MYRIP: variants seen among roughly 807,000 people sequenced by gnomAD.
The protein encoded by MYRIP is rab effector MyRIP.
A neutral mutation model predicts 98.0 loss-of-function variants in MYRIP; 49 were observed. The ratio of observed to expected loss-of-function variants is 0.50; its 90% CI spans 0.40 to 0.63. The LOEUF (loss-of-function observed/expected upper bound fraction) is 0.63, where lower values mean the gene tolerates loss of function less well. Among genes scored for constraint, MYRIP ranks in the 30% least tolerant of loss-of-function variants. The probability of loss-of-function intolerance (pLI) is 0.00; values close to 1 mark genes in which losing one functional copy is unlikely to be tolerated. For missense variants in MYRIP, 1,004 were observed against 1,058.2 expected (o/e 0.95, Z 0.71); for synonymous variants, 404 against 409.5 (o/e 0.99, Z 0.16).
intron 3 of MYRIP, among the ~76,000 whole-genome samples, chr3:40,142,115 C>G (rs777615429): frequency 7.1e-6 from 1 of 140,366 alleles, no homozygotes; most frequent in Non-Finnish European, 1.5e-5. Flanking sequence ...TGCAATGGCT[C>G]GATCTCTGCT....
chr3:39,938,477 A>G (rs1944706569), intron 2 of MYRIP, among the ~76,000 whole-genome samples: 1 of 152,100 alleles, frequency 6.6e-6, no homozygotes, highest in Non-Finnish European at 1.5e-5. Flanking sequence ...CATTTCTGCT[A>G]TGTATATACC....
chr3:40,164,316 A>G (rs777884285), intron 5 of MYRIP, among the ~76,000 whole-genome samples: 13 of 152,226 alleles, frequency 8.5e-5, no homozygotes, highest in Non-Finnish European at 1.6e-4. Flanking sequence ...TACACTAAGT[A>G]TATATGTATG....
intron 2 of MYRIP, among the ~76,000 whole-genome samples, chr3:40,035,115 C>G (rs566326985): frequency 6.4e-4 from 95 of 149,400 alleles, no homozygotes; most frequent in Non-Finnish European, 7.9e-4. Flanking sequence ...GGAGATATAC[C>G]TAATGCTAAA....
chr3:40,016,384 C>A (rs554664924), intron 2 of MYRIP, among the ~76,000 whole-genome samples: 1 of 152,276 alleles, frequency 6.6e-6, no homozygotes, highest in Admixed American at 6.5e-5. Flanking sequence ...TTCAACCAGT[C>A]GTCCTCCACC....
At chr3:40,209,287 C>A (rs1951858711) in intron 10 of MYRIP, 1 of 152,564 alleles carries the variant, frequency 6.6e-6, no homozygotes, top group African/African-American at 2.4e-5. Context: ...CTGGGCAACA[C>A]AATGAGACCC....
intron 1 of MYRIP, 72 bp downstream of exon 1, chr3:39,809,988 C>T (rs1386168077): frequency 6.6e-6 from 1 of 152,432 alleles, no homozygotes; most frequent in African/African-American, 2.4e-5. Context: ...GTTGCCGCAA[C>T]TTCGGGGGTG....
At chr3:40,167,136 C>G (rs1482158466) in intron 6 of MYRIP, 23 bp from the exon 7 acceptor site, 1 of 1,611,926 alleles carries the variant, frequency 6.2e-7, no homozygotes, top group East Asian at 2.2e-5. Context: ...CCACAGCACA[C>G]AGCCATTCTC....
At chr3:39,912,999 C>T (rs1045877334) in intron 2 of MYRIP, among the ~76,000 whole-genome samples, 1 of 152,044 alleles carries the variant, frequency 6.6e-6, no homozygotes, top group African/African-American at 2.4e-5. Flanking sequence ...GAGATTGCAC[C>T]ACTGCACTCC....
chr3:39,918,800 T>C (rs766970867), intron 2 of MYRIP, among the ~76,000 whole-genome samples: 3 of 152,154 alleles, frequency 2.0e-5, no homozygotes, highest in Non-Finnish European at 4.4e-5. Context: ...GGTGTCAAGA[T>C]AGGTTATAGG....
chr3:40,228,795 C>T (rs1402409759), intron 11 of MYRIP, among the ~76,000 whole-genome samples: 1 of 152,184 alleles, frequency 6.6e-6, no homozygotes, highest in African/African-American at 2.4e-5. Flanking sequence ...TCACACACAG[C>T]CAGAAGCTGA....
Position 40,003,198 on chromosome 3 carries a change from T to C in MYRIP, c.111-40852T>C, listed in dbSNP as rs569072305. On this transcript the variant is annotated intron_variant, in intron 2 of 16. Transcript: ENST00000302541. ...ATATAAATACATATATAGATATCTA[T>C]AAATGTGGATATGTAGATACAGAGA... 1.9e-3 allele frequency among the ~76,000 whole-genome samples: 293 copies of C among 152,236 alleles called. 1 individual carries two copies. Among genetic ancestry groups the C allele is most frequent in the African/African-American group, 6.7e-3 (280 of 41,548 alleles).
intron 3 of MYRIP, among the ~76,000 whole-genome samples, chr3:40,103,530 GGGCAGATC>G (rs1948992167): frequency 6.6e-6 from 1 of 152,198 alleles, no homozygotes; most frequent in Non-Finnish European, 1.5e-5. Flanking sequence ...AGGCCAAGGT[GGGCAGATC>G]ACCTGAGGTC....
At chr3:39,970,531 A>T (rs1945554584) in intron 2 of MYRIP, among the ~76,000 whole-genome samples, 1 of 152,112 alleles carries the variant, frequency 6.6e-6, no homozygotes, top group Admixed American at 6.6e-5. Flanking sequence ...GCTCTTAGTG[A>T]TCATACATTT....
chr3:39,886,208 C>A (rs1943297662), intron 1 of MYRIP, among the ~76,000 whole-genome samples: 1 of 151,840 alleles, frequency 6.6e-6, no homozygotes, highest in African/African-American at 2.4e-5. Flanking sequence ...TGGAAAGGAA[C>A]AACCGGTACC....
intron 3 of MYRIP, among the ~76,000 whole-genome samples, chr3:40,097,649 C>T (rs1948858329): frequency 6.6e-6 from 1 of 152,180 alleles, no homozygotes. Flanking sequence ...GCCAGGCTCC[C>T]ACCCTGGAGG....
chr3:39,871,440 A>C (rs1174442842), intron 1 of MYRIP, among the ~76,000 whole-genome samples: 1 of 152,150 alleles, frequency 6.6e-6, no homozygotes, highest in African/African-American at 2.4e-5. Context: ...TCTTCTTATA[A>C]TCAATCTTTG....
chr3:40,193,813 T>C (rs1951310548), intron 10 of MYRIP, among the ~76,000 whole-genome samples: 1 of 152,246 alleles, frequency 6.6e-6, no homozygotes, highest in Non-Finnish European at 1.5e-5. Flanking sequence ...TTGAGCAATT[T>C]TTCCTGTGTT....
At chr3:40,115,666 C>T (rs989683772) in intron 3 of MYRIP, among the ~76,000 whole-genome samples, 1 of 152,246 alleles carries the variant, frequency 6.6e-6, no homozygotes, top group Admixed American at 6.5e-5. Flanking sequence ...TGAAATCAAC[C>T]TTTAAAATAT....
At chr3:40,231,153 T>C (rs182679560) in intron 11 of MYRIP, among the ~76,000 whole-genome samples, 2 of 152,352 alleles carry the variant, frequency 1.3e-5, no homozygotes, top group East Asian at 3.9e-4. Context: ...AGCTGGAAGC[T>C]GGTTCCCTTC....
Sources: allele counts gnomAD v4.1 joint callset (sites outside exome capture counted in the v4.1 genomes callset), GRCh38; gene constraint gnomAD v4.1.1; transcripts MANE v1.5; gene names NCBI Gene and HGNC (gene_info 2026-07-23, HGNC 2026-07-21).